The following RABGAP1L variants were observed in gnomAD, a reference collection of about 807,000 sequenced individuals.
RABGAP1L encodes RAB GTPase activating protein 1 like, also known as rab GTPase-activating protein 1-like.
A neutral mutation model predicts 137.7 loss-of-function variants in RABGAP1L; 63 were observed. That is an observed-to-expected ratio of 0.46 (90% CI 0.37 to 0.56). The LOEUF (loss-of-function observed/expected upper bound fraction) is 0.56, where lower values mean the gene tolerates loss of function less well. Ranked by LOEUF, RABGAP1L falls within the 20% of genes least tolerant of loss-of-function variation. RABGAP1L has a pLI of 0.00. For missense variants in RABGAP1L, 1,095 were observed against 1,244.0 expected (o/e 0.88, Z 1.80); for synonymous variants, 431 against 433.7 (o/e 0.99, Z 0.08).
intron 11 of RABGAP1L, among the ~76,000 whole-genome samples, chr1:174,353,735 T>C (rs1257021612): frequency 6.6e-6 from 1 of 152,180 alleles, no homozygotes; most frequent in Non-Finnish European, 1.5e-5. Context: ...GTCACTGTGC[T>C]CTGTCTTCCC....
chr1:174,944,274 CAAAAAAA>C (rs56225773), intron 19 of RABGAP1L, among the ~76,000 whole-genome samples: 3 of 50,860 alleles, frequency 5.9e-5, no homozygotes, highest in African/African-American at 1.5e-4. Flanking sequence ...AAGACTGTCT[CAAAAAAA>C]AAAAAAAAAA....
chr1:174,227,049 T>C (rs192022108), intron 3 of RABGAP1L, among the ~76,000 whole-genome samples: 1 of 152,290 alleles, frequency 6.6e-6, no homozygotes, highest in Admixed American at 6.5e-5. Flanking sequence ...TTAGTATCCA[T>C]AATTAAGTTT....
chr1:174,431,592 C>T (rs1652635549), intron 13 of RABGAP1L, among the ~76,000 whole-genome samples: 1 of 152,092 alleles, frequency 6.6e-6, no homozygotes. Context: ...AGCTTAGTTT[C>T]TGATACAGAA....
At chr1:174,754,692 G>A (rs889060020) in intron 18 of RABGAP1L, among the ~76,000 whole-genome samples, 15 of 151,996 alleles carry the variant, frequency 9.9e-5, no homozygotes, top group African/African-American at 3.6e-4. Flanking sequence ...GTAGAGACAG[G>A]GGTCTCACTA....
At chr1:174,292,019 T>TTTATTATTATTATTA (rs60906954) in intron 10 of RABGAP1L, among the ~76,000 whole-genome samples, 2,399 of 139,008 alleles carry the variant, frequency 0.017, 34 homozygotes, top group African/African-American at 0.034. Flanking sequence ...GATTAGATCA[T>TTTATTATTATTATTA]TTATTATTAT....
chr1:174,679,294 A>G (rs1677875201), intron 14 of RABGAP1L, among the ~76,000 whole-genome samples: 1 of 152,294 alleles, frequency 6.6e-6, no homozygotes, highest in African/African-American at 2.4e-5. Context: ...AGGCTTAGGG[A>G]TTCTTAGTCA....
At chr1:174,958,584 A>G (rs1668819891) in intron 20 of RABGAP1L, among the ~76,000 whole-genome samples, 1 of 152,302 alleles carries the variant, frequency 6.6e-6, no homozygotes, top group Admixed American at 6.5e-5. Context: ...CATTGGGATG[A>G]CTTCCACTTT....
At position 174,587,449 on chromosome 1, in the gene RABGAP1L, TAAATAAAATA is replaced by T. The variant is rs57938481; in HGVS notation, c.1711-49905_1711-49896del. Among the ~76,000 whole-genome samples, 707 of 148,046 alleles carry T rather than the reference TAAATAAAATA, an allele frequency of 4.8e-3. 5 individuals carry two copies. The highest frequency in any genetic ancestry group is 0.012 in the African/African-American group (493 of 40,348). ...CCTAAAACTTAAAGTATAATAATAA[TAAATAAAATA>T]AAATAAAATAAAATAAAATATAAAA... is the stretch of plus-strand genomic sequence containing the variant. On this transcript the variant is annotated intron_variant, in intron 13 of 25. Transcript: ENST00000681986.
At chr1:174,522,775 G>C (rs1413463243) in intron 13 of RABGAP1L, among the ~76,000 whole-genome samples, 2 of 152,160 alleles carry the variant, frequency 1.3e-5, no homozygotes, top group Non-Finnish European at 2.9e-5. Flanking sequence ...GGCCAGAGCA[G>C]GAACAAGAGA....
intron 19 of RABGAP1L, among the ~76,000 whole-genome samples, chr1:174,953,977 C>T (rs1490792281): frequency 1.3e-5 from 2 of 152,064 alleles, no homozygotes; most frequent in African/African-American, 2.4e-5. Flanking sequence ...TTTGATCATC[C>T]GTGGGGACGG....
chr1:174,880,107 G>A (rs1472983474), intron 19 of RABGAP1L, among the ~76,000 whole-genome samples: 1 of 151,504 alleles, frequency 6.6e-6, no homozygotes, highest in Non-Finnish European at 1.5e-5. Context: ...TATCTTTCTG[G>A]AAGTGTTAAT....
At chr1:174,478,550 A>G (rs1658751862) in intron 13 of RABGAP1L, among the ~76,000 whole-genome samples, 1 of 152,106 alleles carries the variant, frequency 6.6e-6, no homozygotes, top group Non-Finnish European at 1.5e-5. Context: ...TGCTGGGATT[A>G]TTTAAAAACC....
chr1:174,660,929 C>T (rs1676329209), intron 14 of RABGAP1L, among the ~76,000 whole-genome samples: 1 of 152,106 alleles, frequency 6.6e-6, no homozygotes, highest in Admixed American at 6.6e-5. Flanking sequence ...TTATTATGGC[C>T]ATTGTCTATC....
chr1:174,353,193 T>C (rs912100848), intron 11 of RABGAP1L, among the ~76,000 whole-genome samples: 28 of 152,320 alleles, frequency 1.8e-4, no homozygotes, highest in African/African-American at 6.7e-4. Context: ...TGAAATGTTA[T>C]CTGAGAGCGA....
chr1:174,225,449 A>G (rs1185488435), intron 3 of RABGAP1L, among the ~76,000 whole-genome samples: 2 of 111,720 alleles, frequency 1.8e-5, no homozygotes, highest in African/African-American at 6.8e-5. Context: ...TTCGAATCTT[A>G]TGTTTTGAGA....
At chr1:174,296,497 C>T (rs548083968) in intron 10 of RABGAP1L, among the ~76,000 whole-genome samples, 3 of 152,292 alleles carry the variant, frequency 2.0e-5, no homozygotes, top group Admixed American at 6.5e-5. Flanking sequence ...AACTGCTTGT[C>T]GCCAACATTT....
At position 174,991,466 on chromosome 1, in the gene RABGAP1L, TAAG is replaced by T. The variant is rs936234965; in HGVS notation, c.*1467_*1469del. ...GTAACACACCCTTAGAAGAATCAAA[TAAG>T]AGCCATCTACATCCCAGGAGGATGC... is the stretch of plus-strand genomic sequence containing the variant. On this transcript the variant is annotated 3_prime_UTR_variant, in exon 26 of 26. Coordinates refer to ENST00000681986, the MANE Select transcript of RABGAP1L (RefSeq NM_001366446.1). The T allele has an allele frequency of 5.4e-4, 82 of 152,260 alleles. No homozygotes were observed. The highest frequency in any genetic ancestry group is 1.8e-3 in the African/African-American group (76 of 41,568). 9.4% of individuals were successfully genotyped at this position (152,260 alleles called of 1,614,324 possible). A position where few individuals can be genotyped will look rare whatever the true frequency, so the allele number is the denominator to read the frequency against.
chr1:174,645,124 T>TGTA, intron 14 of RABGAP1L, among the ~76,000 whole-genome samples: 1 of 152,166 alleles, frequency 6.6e-6, no homozygotes, highest in Admixed American at 6.5e-5. Flanking sequence ...TCTGCTTCAC[T>TGTA]GTAGTAACCA....
intron 3 of RABGAP1L, among the ~76,000 whole-genome samples, chr1:174,230,275 A>G (rs1434098823): frequency 6.6e-6 from 1 of 151,930 alleles, no homozygotes; most frequent in East Asian, 1.9e-4. Context: ...GAGGGATAGC[A>G]TTAGGAGATA....
Sources: gnomAD v4.1 joint callset for allele counts (sites outside exome capture counted in the v4.1 genomes callset) on GRCh38, gnomAD v4.1.1 for gene constraint, MANE v1.5 for transcripts, NCBI Gene and HGNC (gene_info 2026-07-23, HGNC 2026-07-21) for gene names.